ANKRD17: variants seen among roughly 807,000 people sequenced by gnomAD.
The protein encoded by ANKRD17 is ankyrin repeat domain-containing protein 17.
ANKRD17 carries 19 observed loss-of-function variants against 229.7 expected under a neutral mutation model. That is an observed-to-expected ratio of 0.08 (90% CI 0.06 to 0.12). The LOEUF (loss-of-function observed/expected upper bound fraction) is 0.12. Ranked by LOEUF, ANKRD17 falls within the 10% of genes least tolerant of loss-of-function variation. ANKRD17 has a pLI of 1.00. For missense variants in ANKRD17, 2,176 were observed against 3,176.8 expected (o/e 0.68, Z 7.57); for synonymous variants, 1,112 against 1,146.1 (o/e 0.97, Z 0.60).
At chr4:73,154,790 C>T (rs1297489094) in intron 5 of ANKRD17, among the ~76,000 whole-genome samples, 1 of 152,036 alleles carries the variant, frequency 6.6e-6, no homozygotes, top group Admixed American at 6.5e-5. Flanking sequence ...GCCTGTAATC[C>T]CAGCACTTTG....
chr4:73,164,115 T>C (rs1437595545), intron 2 of ANKRD17, among the ~76,000 whole-genome samples: 1 of 152,196 alleles, frequency 6.6e-6, no homozygotes, highest in East Asian at 1.9e-4. Context: ...ATCTTTCGGT[T>C]AAATATATGA....
chr4:73,166,764 A>AG (rs1733284389), intron 2 of ANKRD17, among the ~76,000 whole-genome samples: 1 of 152,024 alleles, frequency 6.6e-6, no homozygotes, highest in South Asian at 2.1e-4. Flanking sequence ...AAATAGAAAA[A>AG]AAAAAAAGAG....
intron 1 of ANKRD17, among the ~76,000 whole-genome samples, chr4:73,240,841 C>G (rs1263246904): frequency 7.6e-6 from 1 of 131,890 alleles, no homozygotes; most frequent in Non-Finnish European, 1.5e-5. Context: ...ATGAGTCTTG[C>G]TCTGACACCC....
At chr4:73,177,568 G>T in intron 1 of ANKRD17, 35 bp from the exon 2 acceptor site, 2 of 1,521,954 alleles carry the variant, frequency 1.3e-6, no homozygotes, top group Non-Finnish European at 1.8e-6. Flanking sequence ...GAGGAAGGGA[G>T]AAATGAACAG....
chr4:73,111,844 ATT>A (rs1725360713), intron 24 of ANKRD17, among the ~76,000 whole-genome samples: 1 of 152,238 alleles, frequency 6.6e-6, no homozygotes, highest in Non-Finnish European at 1.5e-5. Flanking sequence ...ACAAATATTT[ATT>A]GAGTGCCTAC....
intron 2 of ANKRD17, among the ~76,000 whole-genome samples, chr4:73,176,293 G>A (rs1044669494): frequency 6.6e-6 from 1 of 152,090 alleles, no homozygotes; most frequent in African/African-American, 2.4e-5. Context: ...CCAAAAGACA[G>A]GCAATGACAA....
chr4:73,231,559 G>A (rs530571304), intron 1 of ANKRD17, among the ~76,000 whole-genome samples: 2 of 152,200 alleles, frequency 1.3e-5, no homozygotes, highest in Non-Finnish European at 2.9e-5. Context: ...CCAAAAGACT[G>A]CCTGTGATAT....
At chr4:73,158,010 G>A (rs1731900806) in intron 3 of ANKRD17, among the ~76,000 whole-genome samples, 1 of 151,888 alleles carries the variant, frequency 6.6e-6, no homozygotes, top group Admixed American at 6.6e-5. Context: ...AGAATCACTT[G>A]AACCCAGGAG....
chr4:73,209,886 C>A (rs889561419), intron 1 of ANKRD17, among the ~76,000 whole-genome samples: 4 of 152,026 alleles, frequency 2.6e-5, no homozygotes, highest in Non-Finnish European at 5.9e-5. Flanking sequence ...TGACAAAATT[C>A]AATACCCTTT....
chr4:73,112,976 C>T (rs958422483), intron 24 of ANKRD17: 16 of 563,952 alleles, frequency 2.8e-5, no homozygotes, highest in East Asian at 1.0e-4. Flanking sequence ...TTGGTAGAGA[C>T]GGTGTTTTGC....
intron 24 of ANKRD17, among the ~76,000 whole-genome samples, chr4:73,109,467 T>C (rs951504237): frequency 2.0e-5 from 3 of 152,052 alleles, no homozygotes; most frequent in Non-Finnish European, 4.4e-5. Context: ...GGCAGATAGA[T>C]GGTGTAGGTA....
intron 1 of ANKRD17, among the ~76,000 whole-genome samples, chr4:73,251,331 T>A (rs1006653721): frequency 1.3e-5 from 2 of 152,106 alleles, no homozygotes; most frequent in Admixed American, 6.5e-5. Context: ...CAACTCTACA[T>A]CCCTTCAGGA....
chr4:73,204,358 C>CAAAAAAAAAAAAAA (rs374000000), intron 1 of ANKRD17, among the ~76,000 whole-genome samples: 5 of 59,120 alleles, frequency 8.5e-5, no homozygotes, highest in African/African-American at 3.6e-4. Flanking sequence ...GAGACTCCGT[C>CAAAAAAAAAAAAAA]AAAAAAAAAA....
intron 1 of ANKRD17, among the ~76,000 whole-genome samples, chr4:73,213,027 A>G: frequency 5.1e-5 from 1 of 19,436 alleles, no homozygotes; most frequent in East Asian, 1.5e-3. Flanking sequence ...ACTCCGTTTC[A>G]GGGGAAAAAA....
chr4:73,250,558 C>T (rs1285380613), intron 1 of ANKRD17, among the ~76,000 whole-genome samples: 1 of 118,072 alleles, frequency 8.5e-6, no homozygotes, highest in Non-Finnish European at 1.6e-5. Context: ...CGAGAGCACG[C>T]CACTGCACTC....
At chr4:73,238,027 AAATTC>A (rs967334038) in intron 1 of ANKRD17, among the ~76,000 whole-genome samples, 1 of 152,032 alleles carries the variant, frequency 6.6e-6, no homozygotes, top group African/African-American at 2.4e-5. Flanking sequence ...AGCAATCTAT[AAATTC>A]AATAAGATAA....
At chr4:73,240,394 C>A (rs962641070) in intron 1 of ANKRD17, among the ~76,000 whole-genome samples, 4 of 148,478 alleles carry the variant, frequency 2.7e-5, no homozygotes. Context: ...GAGGCCAAGG[C>A]AGGAGGATCA....
In ANKRD17 at chr4:73,092,056, AAAT is replaced by A. The variant is rs779922377; in HGVS notation, c.5569_5571del (p.Ile1857del). On this transcript the variant is annotated inframe_deletion, in exon 29 of 34. Coordinates refer to ENST00000358602, the MANE Select transcript of ANKRD17 (RefSeq NM_032217.5). ...ATGGTTTTGTGAGTGGATGCAGAAG[AAAT>A]TGCAGGCACAGTGAGTGCTGTGGCA... 6.2e-7 allele frequency: 1 copy of A among 1,614,226 alleles called. No individual in the cohort carries two copies. The highest frequency in any genetic ancestry group is 8.5e-7 in the Non-Finnish European group (1 of 1,180,046).
intron 1 of ANKRD17, among the ~76,000 whole-genome samples, chr4:73,257,577 C>T (rs957357749): frequency 5.3e-5 from 8 of 152,172 alleles, no homozygotes; most frequent in Non-Finnish European, 8.8e-5. Context: ...ATTTTTCATC[C>T]ACTTACAAAT....
Sources: gnomAD v4.1 joint callset for allele counts (sites outside exome capture counted in the v4.1 genomes callset) on GRCh38, gnomAD v4.1.1 for gene constraint, MANE v1.5 for transcripts, NCBI Gene and HGNC (gene_info 2026-07-23, HGNC 2026-07-21) for gene names.